FAF1: variants seen among roughly 807,000 people sequenced by gnomAD.
FAF1 encodes Fas associated factor 1.
A neutral mutation model predicts 92.5 loss-of-function variants in FAF1; 25 were observed. The observed-to-expected ratio is 0.27, with a 90% CI of 0.20 to 0.38. The LOEUF is 0.38. FAF1 is among the 10% of genes least tolerant of loss of function. The pLI, the probability that FAF1 is intolerant of heterozygous loss-of-function variation, is 1.00. For synonymous variants in FAF1, 234 were observed against 273.2 expected (o/e 0.86, Z 1.42); for missense variants, 636 against 793.3 (o/e 0.80, Z 2.38).
intron 7 of FAF1, among the ~76,000 whole-genome samples, chr1:50,695,819 T>A: frequency 6.6e-6 from 1 of 152,136 alleles, no homozygotes; most frequent in East Asian, 1.9e-4. Flanking sequence ...TGGCTAATTT[T>A]TGTACTTTTA....
intron 8 of FAF1, among the ~76,000 whole-genome samples, chr1:50,598,463 A>G (rs930631474): frequency 5.1e-5 from 5 of 98,314 alleles, no homozygotes; most frequent in East Asian, 2.8e-4. Flanking sequence ...ACCTGTCTTT[A>G]AAAAAAAAAA....
chr1:50,939,902 C>T (rs1645117016), intron 1 of FAF1, among the ~76,000 whole-genome samples: 1 of 151,982 alleles, frequency 6.6e-6, no homozygotes, highest in African/African-American at 2.4e-5. Context: ...AATAAAAGTA[C>T]TTTTTTATTT....
chr1:50,839,234 G>GA (rs940799280), intron 2 of FAF1, among the ~76,000 whole-genome samples: 21 of 151,916 alleles, frequency 1.4e-4, no homozygotes, highest in Middle Eastern at 3.4e-3. Context: ...TTACAAACAA[G>GA]AAAAAAATCA....
chr1:50,954,590 G>C lies in FAF1; in HGVS notation c.45+5177C>G, dbSNP rs921545573. 6.8e-5 allele frequency among the ~76,000 whole-genome samples: 10 copies of C among 147,662 alleles called. 1 individual carries two copies. In the Admixed American group the frequency reaches 6.8e-4, roughly 10 times the overall value. On this transcript the variant is annotated intron_variant, in intron 1 of 18. Transcript: ENST00000396153. Reference sequence around the variant, plus strand: ...GAGTCTTACGCTGTCACCCAGGCTGGAGTGAGGTGAAATGATCTTGGCTCA... The same window carrying C: ...GAGTCTTACGCTGTCACCCAGGCTGCAGTGAGGTGAAATGATCTTGGCTCA...
chr1:50,720,961 T>C (rs181642433), intron 6 of FAF1, among the ~76,000 whole-genome samples: 35 of 152,308 alleles, frequency 2.3e-4, no homozygotes, highest in Non-Finnish European at 7.3e-5. Context: ...TAAGTTTCAA[T>C]CATTTGATCA....
chr1:50,472,368 T>TACATACACAC (rs1318790224), intron 18 of FAF1, among the ~76,000 whole-genome samples: 1 of 123,886 alleles, frequency 8.1e-6, no homozygotes. Flanking sequence ...GGGGAAAACA[T>TACATACACAC]ACACACACAC....
At position 50,760,982 on chromosome 1, in the gene FAF1, G is replaced by C. The variant is rs183874349; in HGVS notation, c.368-16207C>G. Among the ~76,000 whole-genome samples, 964 of 152,152 alleles carry C rather than the reference G, an allele frequency of 6.3e-3. 18 individuals carry two copies. The highest frequency in any genetic ancestry group is 0.022 in the African/African-American group (919 of 41,510). Reference sequence around the variant, plus strand: ...GAAAAGAGAGAAGAATCAAATAAATGCAATAAAAAATGATAAAGGGGATAT... The same window carrying C: ...GAAAAGAGAGAAGAATCAAATAAATCCAATAAAAAATGATAAAGGGGATAT... On this transcript the variant is annotated intron_variant, in intron 4 of 18. Transcript: ENST00000396153.
chr1:50,465,485 G>T (rs2148992137), intron 18 of FAF1, among the ~76,000 whole-genome samples: 1 of 152,300 alleles, frequency 6.6e-6, no homozygotes, highest in Middle Eastern at 3.4e-3. Context: ...GGTATTTACT[G>T]AGCGTCAGTT....
chr1:50,507,774 A>C (rs1408988055), intron 15 of FAF1, among the ~76,000 whole-genome samples: 1 of 152,154 alleles, frequency 6.6e-6, no homozygotes, highest in Non-Finnish European at 1.5e-5. Context: ...TGAGCAGTGA[A>C]AGGTTTTTAA....
intron 1 of FAF1, among the ~76,000 whole-genome samples, chr1:50,860,937 T>C (rs1471528638): frequency 2.0e-5 from 3 of 151,896 alleles, no homozygotes; most frequent in Admixed American, 6.6e-5. Flanking sequence ...TGCAGCAACA[T>C]GGGTTAAGCT....
chr1:50,858,665 T>C (rs1288776908), intron 1 of FAF1, among the ~76,000 whole-genome samples: 1 of 151,912 alleles, frequency 6.6e-6, no homozygotes, highest in African/African-American at 2.4e-5. Flanking sequence ...CATGTTAAAA[T>C]TAATTTCACA....
intron 9 of FAF1, among the ~76,000 whole-genome samples, chr1:50,588,062 G>A (rs1042244702): frequency 6.6e-5 from 10 of 152,066 alleles, no homozygotes; most frequent in Admixed American, 6.5e-5. Flanking sequence ...CGAGGCAGGC[G>A]GATCACTTAA....
At chr1:50,685,915 T>G (rs1321787099) in intron 7 of FAF1, among the ~76,000 whole-genome samples, 1 of 152,208 alleles carries the variant, frequency 6.6e-6, no homozygotes, top group Non-Finnish European at 1.5e-5. Context: ...CTAATGGATC[T>G]CAACTAGAAA....
intron 6 of FAF1, among the ~76,000 whole-genome samples, chr1:50,735,225 TCTC>T (rs1429706224): frequency 2.0e-5 from 3 of 152,222 alleles, no homozygotes; most frequent in African/African-American, 7.2e-5. Context: ...CAGTTTGTTT[TCTC>T]CTTCCTAATT....
chr1:50,671,895 C>T lies in FAF1; in HGVS notation c.658-16367G>A, dbSNP rs963538306. Among the ~76,000 whole-genome samples the T allele has an allele frequency of 2.6e-5, 4 of 152,076 alleles. No homozygotes were observed. In the East Asian group the frequency reaches 5.8e-4, roughly 22 times the overall value. ...AGATCAAAGTCACTGCAACCTCAAACTCCTGGATTCATCTGATCCTCCTGC... is the reference window on the plus strand; with the variant it reads ...AGATCAAAGTCACTGCAACCTCAAATTCCTGGATTCATCTGATCCTCCTGC... On this transcript the variant is annotated intron_variant, in intron 7 of 18. Coordinates refer to ENST00000396153, the MANE Select transcript of FAF1 (RefSeq NM_007051.3).
chr1:50,836,468 G>A (rs115996771), intron 2 of FAF1, among the ~76,000 whole-genome samples: 1,982 of 152,042 alleles, frequency 0.013, 43 homozygotes, highest in African/African-American at 0.044. Context: ...GACAAAAATT[G>A]GACCAAAATA....
intron 7 of FAF1, among the ~76,000 whole-genome samples, chr1:50,704,327 C>T (rs1569801088): frequency 6.6e-6 from 1 of 151,666 alleles, no homozygotes; most frequent in South Asian, 2.1e-4. Context: ...AATTCAACCC[C>T]GAAGGAAAAA....
At chr1:50,648,848 C>T (rs1654717224) in intron 8 of FAF1, among the ~76,000 whole-genome samples, 1 of 152,204 alleles carries the variant, frequency 6.6e-6, no homozygotes, top group Admixed American at 6.5e-5. Context: ...ATCACTTGAA[C>T]CCAGGAGGCG....
At chr1:50,756,487 C>T (rs1660078940) in intron 4 of FAF1, among the ~76,000 whole-genome samples, 1 of 152,218 alleles carries the variant, frequency 6.6e-6, no homozygotes, top group African/African-American at 2.4e-5. Context: ...CTGCATTTTT[C>T]TGTCTTCTTC....
Sources: gnomAD v4.1 joint callset for allele counts (sites outside exome capture counted in the v4.1 genomes callset) on GRCh38, gnomAD v4.1.1 for gene constraint, MANE v1.5 for transcripts, NCBI Gene and HGNC (gene_info 2026-07-23, HGNC 2026-07-21) for gene names.